DYNLT4: variants seen among roughly 807,000 people sequenced by gnomAD.
DYNLT4 encodes the protein Tctex1 domain containing 4.
DYNLT4 carries 3 observed loss-of-function variants against 1.5 expected under a neutral mutation model. The ratio of observed to expected loss-of-function variants is 1.97; its 90% CI spans 0.90 to 5.08. The LOEUF is 5.08. Among genes scored for constraint, DYNLT4 ranks in the 30% most tolerant of loss-of-function variants. The pLI is 0.02. For missense variants in DYNLT4, 346 were observed against 341.0 expected (o/e 1.01, Z -0.12); for synonymous variants, 181 against 160.0 (o/e 1.13, Z -0.99).
Position 44,806,492 on chromosome 1 carries a change from C to T in DYNLT4, c.177G>A (p.Ala59=). Reference sequence around the variant, plus strand: ...CCAGCGAGTTGCGGCGGGAGAAGGACGCGGCCAGGCCCAGCATGGAGCCCC... The same window carrying T: ...CCAGCGAGTTGCGGCGGGAGAAGGATGCGGCCAGGCCCAGCATGGAGCCCC... ...SRRGSMLGLA[A]SFSRRNSLVG... is the part of the protein sequence containing the mutation. The change falls in exon 3 of 3, where the codon GCG becomes GCA. Residue 59 remains alanine, a synonymous_variant. Transcript: ENST00000339355. The T allele has an allele frequency of 2.6e-6, 4 of 1,511,620 alleles. No individual in the cohort carries two copies. Among genetic ancestry groups the T allele is most frequent in the Non-Finnish European group, 3.5e-6 (4 of 1,136,578 alleles). 93.6% of individuals were successfully genotyped at this position (1,511,620 alleles called of 1,614,324 possible). A position where few individuals can be genotyped will look rare whatever the true frequency, so the allele number is the denominator to read the frequency against.
chr1:44,805,916 A>G lies in DYNLT4; in HGVS notation c.*87T>C. 1 of 1,472,008 alleles carries G rather than the reference A, an allele frequency of 6.8e-7. No homozygotes were observed. Among genetic ancestry groups the G allele is most frequent in the Non-Finnish European group, 9.0e-7 (1 of 1,109,564 alleles). The allele number at this position is 1,472,008 out of a possible 1,614,324, so 91.2% of individuals were successfully genotyped here. On this transcript the variant is annotated 3_prime_UTR_variant, in exon 3 of 3. Coordinates refer to ENST00000339355, the MANE Select transcript of DYNLT4 (RefSeq NM_001377534.1). Reference sequence around the variant, plus strand: ...CGTTATTTATGGACCACTTTTATTTATTGTCAGACACTTATTTATTGGGAT... The same window carrying G: ...CGTTATTTATGGACCACTTTTATTTGTTGTCAGACACTTATTTATTGGGAT...
At position 44,806,005 on chromosome 1, in the gene DYNLT4, A is replaced by G. The variant is rs747797607; in HGVS notation, c.664T>C (p.Ter222ArgextTer25). 6.5e-7 allele frequency: 1 copy of G among 1,540,598 alleles called. No individual in the cohort carries two copies. The highest frequency in any genetic ancestry group is 2.3e-5 in the East Asian group (1 of 43,942). Residue 222 changes from the stop codon to arginine (R), a stop_lost, in exon 3 of 3, where the codon TGA becomes CGA. Transcript: ENST00000339355. Reference sequence around the variant, plus strand: ...ATTTTGCAGAATTGGACTCCCCCTCACTCGCAGTAGAGCCCGTGGACCGTG... The same window carrying G: ...ATTTTGCAGAATTGGACTCCCCCTCGCTCGCAGTAGAGCCCGTGGACCGTG... ...VATVHGLYCE[*>R] is the part of the protein sequence containing the mutation.
chr1:44,806,006 C>G lies in DYNLT4; in HGVS notation c.663G>C (p.Glu221Asp). The change falls in exon 3 of 3, where the codon GAG becomes GAC. Residue 221 changes from glutamate (E) to aspartate (D), a missense_variant. Physicochemically the swap from Glu to Asp is conservative, Grantham distance 45. Transcript: ENST00000339355. Reference sequence around the variant, plus strand: ...TTTTGCAGAATTGGACTCCCCCTCACTCGCAGTAGAGCCCGTGGACCGTGG... The same window carrying G: ...TTTTGCAGAATTGGACTCCCCCTCAGTCGCAGTAGAGCCCGTGGACCGTGG... ...AVATVHGLYCE is the reference protein window; with the variant it reads ...AVATVHGLYCD 1.3e-6 allele frequency: 2 copies of G among 1,543,166 alleles called. No homozygotes were observed. Among genetic ancestry groups the G allele is most frequent in the Non-Finnish European group, 1.8e-6 (2 of 1,142,686 alleles).
chr1:44,806,868 G>T (rs1326691964), intron 1 of DYNLT4, 30 bp from the exon 2 acceptor site: 12 of 985,448 alleles, frequency 1.2e-5, no homozygotes, highest in Non-Finnish European at 1.4e-5. Flanking sequence ...TTAGACACAT[G>T]AGCAGGGGAC....
rs192046367 is a variant in DYNLT4 at position 44,806,912 on chromosome 1, C to T, written c.-66-74G>A. The T allele has an allele frequency of 9.2e-4, 911 of 985,402 alleles. 7 individuals are homozygous for T. The African/African-American group carries it at 0.015, about 16-fold the overall frequency. The allele number at this position is 985,402 out of a possible 1,614,324, so 61.0% of individuals were successfully genotyped here. A position where few individuals can be genotyped will look rare whatever the true frequency, so the allele number is the denominator to read the frequency against. Reference sequence around the variant, plus strand: ...GCTAGGACTGGGATCCTCGGCTAGTCCTTGCCGACTGAGCTCCTTCTCTGG... The same window carrying T: ...GCTAGGACTGGGATCCTCGGCTAGTTCTTGCCGACTGAGCTCCTTCTCTGG... On this transcript the variant is annotated intron_variant, in intron 1 of 2. Coordinates refer to ENST00000339355, the MANE Select transcript of DYNLT4 (RefSeq NM_001377534.1).
Position 44,806,824 on chromosome 1 carries a change from C to G in DYNLT4, c.-52G>C. Reference sequence around the variant, plus strand: ...AGTGGATCAGATAGTCCCAGGCTGCCTGGGTTCCTAGGTGCTGAGAAGGTT... The same window carrying G: ...AGTGGATCAGATAGTCCCAGGCTGCGTGGGTTCCTAGGTGCTGAGAAGGTT... On this transcript the variant is annotated 5_prime_UTR_variant, in exon 2 of 3. Transcript: ENST00000339355. 7.5e-7 allele frequency: 1 copy of G among 1,327,102 alleles called. No homozygotes were observed. The highest frequency in any genetic ancestry group is 9.6e-7 in the Non-Finnish European group (1 of 1,044,404). 82.2% of individuals were successfully genotyped at this position (1,327,102 alleles called of 1,614,324 possible). A position where few individuals can be genotyped will look rare whatever the true frequency, so the allele number is the denominator to read the frequency against.
rs1294166096 is a variant in DYNLT4 at position 44,806,074 on chromosome 1, G to T, written c.595C>A (p.Leu199Met). ...GTGTTGGTGTAGGAGACCGAGGCCA[G>T]CCCATCGCGCGCCACGTCCCAGAGC... is the stretch of plus-strand genomic sequence containing the variant. ...RALWDVARDG[L>M]ASVSYTNTSL... Residue 199 changes from leucine to methionine, a missense_variant, in exon 3 of 3, where the codon CTG (leucine) becomes ATG (methionine). Physicochemically the swap from Leu to Met is conservative, Grantham distance 15. Transcript: ENST00000339355. The T allele has an allele frequency of 5.0e-6, 8 of 1,604,758 alleles. No individual in the cohort carries two copies. Among genetic ancestry groups the T allele is most frequent in the Non-Finnish European group, 6.8e-6 (8 of 1,175,324 alleles).
rs539345255 is a variant in DYNLT4, at chr1:44,806,174, C to T, written c.495G>A (p.Pro165=). The T allele has an allele frequency of 3.8e-6, 6 of 1,567,938 alleles. No homozygotes were observed. Among genetic ancestry groups the T allele is most frequent in the Admixed American group, 1.9e-5 (1 of 53,164 alleles). The change falls in exon 3 of 3, where the codon CCG becomes CCA. Residue 165 remains proline (P), a synonymous_variant. Coordinates refer to ENST00000339355, the MANE Select transcript of DYNLT4 (RefSeq NM_001377534.1). ...QVHVRLRELS[P]PRYKLVCSVV... ...CACTGCATACCAGCTTGTAGCGTGG[C>T]GGGCTGAGCTCGCGCAGGCGAACGT... is the stretch of plus-strand genomic sequence containing the variant.
At position 44,806,593 on chromosome 1, in the gene DYNLT4, C is replaced by T. The variant is rs1329535721; in HGVS notation, c.76G>A (p.Val26Met). Residue 26 changes from valine (V) to methionine (M), a missense_variant, in exon 3 of 3, where the codon GTG becomes ATG. Physicochemically the swap from Val to Met is conservative, Grantham distance 21. Transcript: ENST00000339355. ...CTGGGCAGGCAGCCTCGGGGCCGCACCGGTGAGGGTTTCCGCCCGGAGTCT... is the reference window on the plus strand; with the variant it reads ...CTGGGCAGGCAGCCTCGGGGCCGCATCGGTGAGGGTTTCCGCCCGGAGTCT... ...AKDSGRKPSPVRPRGCLPSID... is the reference protein window; with the variant it reads ...AKDSGRKPSPMRPRGCLPSID... 3 of 1,483,934 alleles carry T rather than the reference C, an allele frequency of 2.0e-6. No individual in the cohort carries two copies. The highest frequency in any genetic ancestry group is 2.7e-6 in the Non-Finnish European group (3 of 1,120,022). The allele number at this position is 1,483,934 out of a possible 1,614,324, so 91.9% of individuals were successfully genotyped here.
At position 44,806,214 on chromosome 1, in the gene DYNLT4, AGCTCCC is replaced by A; in HGVS notation, c.449_454del (p.Arg150_Glu151del). The A allele has an allele frequency of 6.5e-7, 1 of 1,540,200 alleles. No homozygotes were observed. The highest frequency in any genetic ancestry group is 1.2e-5 in the South Asian group (1 of 84,458). ...CAGGCGAACGTGCACCTGCTCGCAG[AGCTCCC>A]GCACCAGCCGCGCGGCCTCGTCGCT... is the stretch of plus-strand genomic sequence containing the variant. On this transcript the variant is annotated inframe_deletion, in exon 3 of 3. Transcript: ENST00000339355.
rs745441669 is a variant in DYNLT4, at chr1:44,806,289, A to G, written c.380T>C (p.Leu127Pro). The change falls in exon 3 of 3, where the codon CTG (leucine) becomes CCG (proline). Residue 127 changes from leucine (L) to proline (P), a missense_variant. Physicochemically the swap from Leu to Pro is moderately conservative, Grantham distance 98. Coordinates refer to ENST00000339355, the MANE Select transcript of DYNLT4 (RefSeq NM_001377534.1). ...CAGCCCTGCGGCCAGCGCCGCCTCC[A>G]GGGCACGCTGTGCACGCGCAGCCTC... ...RWEAARAQRA[L>P]EAALAAGLHD... The G allele has an allele frequency of 2.6e-5, 39 of 1,481,916 alleles. 1 individual carries two copies. The highest frequency in any genetic ancestry group is 1.9e-5 in the Non-Finnish European group (21 of 1,121,462). 91.8% of individuals were successfully genotyped at this position (1,481,916 alleles called of 1,614,324 possible). A position where few individuals can be genotyped will look rare whatever the true frequency, so the allele number is the denominator to read the frequency against.
rs1328287338 is a variant in DYNLT4, at chr1:44,806,527, CCGGGGCTGGACCTGGACCTGCCGGT to C, written c.117_141del (p.Ala41ArgfsTer209). 2.0e-6 allele frequency: 3 copies of C among 1,496,334 alleles called. No homozygotes were observed. The highest frequency in any genetic ancestry group is 1.8e-6 in the Non-Finnish European group (2 of 1,130,364). The allele number at this position is 1,496,334 out of a possible 1,614,324, so 92.7% of individuals were successfully genotyped here. A position where few individuals can be genotyped will look rare whatever the true frequency, so the allele number is the denominator to read the frequency against. ...CCCAGCATGGAGCCCCGGCGCGAGG[CCGGGGCTGGACCTGGACCTGCCGGT>C]CGGGCCTCATCAATGCTGGGCAGGC... On this transcript the variant is annotated frameshift_variant, in exon 3 of 3. Transcript: ENST00000339355. LOFTEE classifies it low-confidence loss of function (END_TRUNC).
In DYNLT4 at chr1:44,806,527, C is replaced by T. The variant is rs996986279; in HGVS notation, c.142G>A (p.Ala48Thr). ...CCCAGCATGGAGCCCCGGCGCGAGG[C>T]CGGGGCTGGACCTGGACCTGCCGGT... ...ARPAGPGPAP[A>T]SRRGSMLGLA... The change falls in exon 3 of 3, where the codon GCC becomes ACC. Residue 48 changes from alanine (A) to threonine (T), a missense_variant. Transcript: ENST00000339355. The T allele has an allele frequency of 3.3e-6, 5 of 1,496,334 alleles. No individual in the cohort carries two copies. The African/African-American group carries it at 4.4e-5, about 13-fold the overall frequency. 92.7% of individuals were successfully genotyped at this position (1,496,334 alleles called of 1,614,324 possible).
rs1433967467 is a variant in DYNLT4, at chr1:44,806,100, G to T, written c.569C>A (p.Ala190Glu). The change falls in exon 3 of 3, where the codon GCG becomes GAG. Residue 190 changes from alanine to glutamate, a missense_variant. Transcript: ENST00000339355. ...AGQGVHVVSRALWDVARDGLA... is the reference protein window; with the variant it reads ...AGQGVHVVSRELWDVARDGLA... ...CCCATCGCGCGCCACGTCCCAGAGCGCACGGCTGACCACGTGAACGCCCTG... is the reference window on the plus strand; with the variant it reads ...CCCATCGCGCGCCACGTCCCAGAGCTCACGGCTGACCACGTGAACGCCCTG... The T allele has an allele frequency of 1.9e-6, 3 of 1,608,648 alleles. No individual in the cohort carries two copies. Among genetic ancestry groups the T allele is most frequent in the Non-Finnish European group, 1.7e-6 (2 of 1,178,070 alleles).
In DYNLT4 at chr1:44,806,240, G is replaced by A. The variant is rs17886118; in HGVS notation, c.429C>T (p.Asp143=). 270,882 of 1,529,358 alleles carry A rather than the reference G, an allele frequency of 0.18. 24,617 individuals are homozygous for A. The highest frequency in any genetic ancestry group is 0.26 in the East Asian group (10,381 of 40,512). 94.7% of individuals were successfully genotyped at this position (1,529,358 alleles called of 1,614,324 possible). A position where few individuals can be genotyped will look rare whatever the true frequency, so the allele number is the denominator to read the frequency against. The change falls in exon 3 of 3, where the codon GAC becomes GAT. Residue 143 remains aspartate (D), a synonymous_variant. Coordinates refer to ENST00000339355, the MANE Select transcript of DYNLT4 (RefSeq NM_001377534.1). Reference sequence around the variant, plus strand: ...GCTCCCGCACCAGCCGCGCGGCCTCGTCGCTGGAGTAGCACGCGTCGTGCA... The same window carrying A: ...GCTCCCGCACCAGCCGCGCGGCCTCATCGCTGGAGTAGCACGCGTCGTGCA... ...AGLHDACYSS[D]EAARLVRELC...
rs1424273775 is a variant in DYNLT4, at chr1:44,806,373, G to C, written c.296C>G (p.Ala99Gly). ...SRVSFSGLPL[A>G]PARWVAPSYR... The stretch of plus-strand genomic sequence containing the variant: ...GGAGGGCGCCACCCAACGGGCGGGC[G>C]CCAGGGGCAACCCTGAGAAGCTGAC... Residue 99 changes from alanine (A) to glycine (G), a missense_variant, in exon 3 of 3, where the codon GCG becomes GGG. Coordinates refer to ENST00000339355, the MANE Select transcript of DYNLT4 (RefSeq NM_001377534.1). 3.3e-6 allele frequency: 5 copies of C among 1,524,894 alleles called. No individual in the cohort carries two copies. The highest frequency in any genetic ancestry group is 2.0e-4 in the Middle Eastern group (1 of 5,026). The allele number at this position is 1,524,894 out of a possible 1,614,324, so 94.5% of individuals were successfully genotyped here.
Position 44,806,133 on chromosome 1 carries a change from C to T in DYNLT4, c.536G>A (p.Arg179His), listed in dbSNP as rs1403928307. 7 of 1,597,894 alleles carry T rather than the reference C, an allele frequency of 4.4e-6. No individual in the cohort carries two copies. The highest frequency in any genetic ancestry group is 6.0e-6 in the Non-Finnish European group (7 of 1,173,578). Residue 179 changes from arginine to histidine, a missense_variant, in exon 3 of 3, where the codon CGC becomes CAC. Coordinates refer to ENST00000339355, the MANE Select transcript of DYNLT4 (RefSeq NM_001377534.1). Reference sequence around the variant, plus strand: ...GACCACGTGAACGCCCTGGCCCGCGCGCGGCCCCAGCACCACACTGCATAC... The same window carrying T: ...GACCACGTGAACGCCCTGGCCCGCGTGCGGCCCCAGCACCACACTGCATAC... ...KLVCSVVLGP[R>H]AGQGVHVVSR...
chr1:44,806,831 C>T lies in DYNLT4; in HGVS notation c.-59G>A. 3 of 985,412 alleles carry T rather than the reference C, an allele frequency of 3.0e-6. No homozygotes were observed. Among genetic ancestry groups the T allele is most frequent in the Non-Finnish European group, 3.6e-6 (3 of 829,924 alleles). The allele number at this position is 985,412 out of a possible 1,614,324, so 61.0% of individuals were successfully genotyped here. On this transcript the variant is annotated 5_prime_UTR_variant, in exon 2 of 3. Transcript: ENST00000339355. ...CAGATAGTCCCAGGCTGCCTGGGTT[C>T]CTAGGTGCTGAGAAGGTTAAAGGCT...
intron 1 of DYNLT4, chr1:44,807,100 C>G: frequency 1.0e-6 from 1 of 985,438 alleles, no homozygotes; most frequent in East Asian, 1.1e-4. Flanking sequence ...TCAGCTCCTT[C>G]AACCCCACAG....
Sources: gnomAD v4.1 joint callset for allele counts on GRCh38, gnomAD v4.1.1 for gene constraint, MANE v1.5 for transcripts, NCBI Gene and HGNC (gene_info 2026-07-23, HGNC 2026-07-21) for gene names.